Variants in EPHA6 observed in about 807,000 individuals in gnomAD.
EPHA6 encodes the protein EPH receptor A6, also known as ephrin type-A receptor 6.
In EPHA6, 50 loss-of-function variants were observed where a neutral mutation model predicts 112.0. The observed-to-expected ratio is 0.45, with a 90% CI of 0.36 to 0.56. The LOEUF is 0.56. EPHA6 is among the 20% of genes least tolerant of loss of function. The pLI is 0.00. For missense variants in EPHA6, 1,280 were observed against 1,417.4 expected, an observed-to-expected ratio of 0.90 and a Z score of 1.56; for synonymous variants, 529 against 490.7, an observed-to-expected ratio of 1.08 and a Z score of -1.03.
chr3:97,545,504 A>C (rs2092931466), intron 11 of EPHA6, among the ~76,000 whole-genome samples: 1 of 152,096 alleles, frequency 6.6e-6, no homozygotes, highest in Non-Finnish European at 1.5e-5. Flanking sequence ...CAATTTTGGA[A>C]TAGGTGTCGT....
intron 6 of EPHA6, among the ~76,000 whole-genome samples, chr3:97,444,089 A>T (rs1321310139): frequency 6.6e-6 from 1 of 152,160 alleles, no homozygotes; most frequent in African/African-American, 2.4e-5. Flanking sequence ...TGAAGATTAG[A>T]TTTTAGATGT....
At chr3:97,110,716 A>G (rs1380890735) in intron 3 of EPHA6, among the ~76,000 whole-genome samples, 1 of 151,656 alleles carries the variant, frequency 6.6e-6, no homozygotes, top group East Asian at 1.9e-4. Flanking sequence ...TTTAGTAGAG[A>G]TGGGATTTCA....
At chr3:97,254,665 A>G (rs1339218218) in intron 5 of EPHA6, among the ~76,000 whole-genome samples, 2 of 152,186 alleles carry the variant, frequency 1.3e-5, no homozygotes, top group African/African-American at 4.8e-5. Context: ...GAGTTCAGCT[A>G]CTAGTCATGA....
rs569525715 is a variant in EPHA6, at chr3:96,974,911, C to T, written c.451-12419C>T. On this transcript the variant is annotated intron_variant, in intron 2 of 17. Coordinates refer to ENST00000389672, the MANE Select transcript of EPHA6 (RefSeq NM_001080448.3). ...CATAGGAGGAAATGAGAACAAGGCC[C>T]GGAAAGAAGTTTATTATACTCATAA... 3.9e-5 allele frequency among the ~76,000 whole-genome samples: 6 copies of T among 152,060 alleles called. No homozygotes were observed. The South Asian group carries it at 6.2e-4, about 16-fold the overall frequency.
chr3:97,305,509 C>T (rs552844515), intron 5 of EPHA6, among the ~76,000 whole-genome samples: 4 of 152,096 alleles, frequency 2.6e-5, no homozygotes, highest in Middle Eastern at 3.4e-3. Context: ...AAATGTGGTA[C>T]GTATACACCA....
At chr3:97,727,216 T>C (rs2034813402) in intron 15 of EPHA6, among the ~76,000 whole-genome samples, 2 of 152,114 alleles carry the variant, frequency 1.3e-5, no homozygotes, top group South Asian at 4.1e-4. Flanking sequence ...CTCCTTGCTT[T>C]TCAAATGCTT....
chr3:97,007,039 A>G (rs1404849052), intron 3 of EPHA6, among the ~76,000 whole-genome samples: 1 of 152,178 alleles, frequency 6.6e-6, no homozygotes, highest in Non-Finnish European at 1.5e-5. Context: ...GGTCGATTTT[A>G]GAATAAGTGC....
At chr3:97,086,308 C>T (rs2046898167) in intron 3 of EPHA6, among the ~76,000 whole-genome samples, 1 of 152,028 alleles carries the variant, frequency 6.6e-6, no homozygotes, top group Non-Finnish European at 1.5e-5. Flanking sequence ...TTGAGTCTAA[C>T]AAAGACCTCA....
chr3:96,905,942 C>T (rs993333716), intron 2 of EPHA6, among the ~76,000 whole-genome samples: 2 of 151,926 alleles, frequency 1.3e-5, no homozygotes, highest in African/African-American at 2.4e-5. Context: ...TATGTATGTG[C>T]ATGTGCTCAT....
At chr3:96,943,744 G>A (rs1025649125) in intron 2 of EPHA6, among the ~76,000 whole-genome samples, 2 of 152,176 alleles carry the variant, frequency 1.3e-5, no homozygotes, top group African/African-American at 4.8e-5. Flanking sequence ...TGTAGTCCCA[G>A]CTACTCAGTA....
intron 11 of EPHA6, among the ~76,000 whole-genome samples, chr3:97,583,555 A>G (rs1433126003): frequency 6.6e-6 from 1 of 152,064 alleles, no homozygotes; most frequent in East Asian, 1.9e-4. Flanking sequence ...AAAAAAAGAA[A>G]GAAATACTTT....
chr3:97,491,596 A>G (rs554957304), intron 10 of EPHA6, among the ~76,000 whole-genome samples: 1 of 144,178 alleles, frequency 6.9e-6, no homozygotes, highest in South Asian at 2.2e-4. Flanking sequence ...AAGGGAGTGT[A>G]GTCTCTCCTT....
chr3:96,946,695 C>T (rs9823589), intron 2 of EPHA6, among the ~76,000 whole-genome samples: 33,482 of 152,036 alleles, frequency 0.22, 6,459 homozygotes, highest in African/African-American at 0.49. Flanking sequence ...TACCCAGTAA[C>T]GGGATGGCTG....
At chr3:97,503,286 T>TTA (rs1344516410) in intron 10 of EPHA6, among the ~76,000 whole-genome samples, 1 of 152,186 alleles carries the variant, frequency 6.6e-6, no homozygotes, top group Non-Finnish European at 1.5e-5. Context: ...TTTGAAAGTT[T>TTA]TACGGAACAC....
At chr3:97,735,373 T>G (rs1486122138) in intron 15 of EPHA6, among the ~76,000 whole-genome samples, 2 of 151,950 alleles carry the variant, frequency 1.3e-5, no homozygotes, top group African/African-American at 4.8e-5. Flanking sequence ...GACTTCATAA[T>G]CAGGTCAGTG....
intron 3 of EPHA6, among the ~76,000 whole-genome samples, chr3:97,046,996 G>A (rs1395802127): frequency 6.6e-6 from 1 of 151,798 alleles, no homozygotes; most frequent in Non-Finnish European, 1.5e-5. Context: ...GTCTTGTTTA[G>A]GAAATCCATA....
chr3:97,418,711 C>T (rs889519913), intron 6 of EPHA6, among the ~76,000 whole-genome samples: 17 of 151,536 alleles, frequency 1.1e-4, no homozygotes, highest in East Asian at 1.9e-4. Flanking sequence ...GATTCCAAAA[C>T]GATAGTATAA....
chr3:97,386,431 A>G (rs2109041029), intron 5 of EPHA6, among the ~76,000 whole-genome samples: 1 of 152,294 alleles, frequency 6.6e-6, no homozygotes, highest in South Asian at 2.1e-4. Flanking sequence ...GCCCCATGGA[A>G]GTTCAAAATC....
chr3:97,396,380 A>T (rs2086695672), intron 5 of EPHA6, among the ~76,000 whole-genome samples: 1 of 149,996 alleles, frequency 6.7e-6, no homozygotes, highest in Non-Finnish European at 1.5e-5. Context: ...TTAGAAACAT[A>T]ACTTTATAAC....
Sources: gnomAD v4.1 joint callset for allele counts (sites outside exome capture counted in the v4.1 genomes callset) on GRCh38, gnomAD v4.1.1 for gene constraint, MANE v1.5 for transcripts, NCBI Gene and HGNC (gene_info 2026-07-23, HGNC 2026-07-21) for gene names.